RBPMS: variants seen among roughly 807,000 people sequenced by gnomAD.
RBPMS encodes RNA-binding protein with multiple splicing.
Under a neutral mutation model 26.8 loss-of-function variants are expected in RBPMS, and 7 were observed. That is an observed-to-expected ratio of 0.26 (90% CI 0.15 to 0.49). The LOEUF is 0.49. Ranked by LOEUF, RBPMS falls within the 20% of genes least tolerant of loss-of-function variation. RBPMS has a pLI of 0.98. For missense variants in RBPMS, 186 were observed against 250.0 expected, an observed-to-expected ratio of 0.74 and a Z score of 1.73; for synonymous variants, 96 against 93.3, an observed-to-expected ratio of 1.03 and a Z score of -0.17.
rs1029763647 is a variant in RBPMS, at chr8:30,566,351, G to A, written c.*102G>A. ...GTTCTCTAGCTGTTCTACAAAACTG[G>A]AGCATGCTGGTGAGTAACAGTCAGG... On this transcript the variant is annotated 3_prime_UTR_variant, in exon 8 of 9. Transcript: ENST00000397323. The A allele has an allele frequency of 3.3e-6, 3 of 908,470 alleles. No individual in the cohort carries two copies. Among genetic ancestry groups the A allele is most frequent in the Non-Finnish European group, 3.8e-6 (3 of 788,374 alleles). 56.3% of individuals were successfully genotyped at this position (908,470 alleles called of 1,614,324 possible). A position where few individuals can be genotyped will look rare whatever the true frequency, so the allele number is the denominator to read the frequency against.
chr8:30,418,232 A>G (rs182107069), intron 1 of RBPMS, among the ~76,000 whole-genome samples: 34 of 152,230 alleles, frequency 2.2e-4, no homozygotes, highest in Non-Finnish European at 4.3e-4. Flanking sequence ...TACCCTTTCT[A>G]ACATTTGAGA....
rs548362524 is a variant in RBPMS at position 30,555,230 on chromosome 8, CA to C, written c.529-3656del. ...CACCATGCTGAGTGCTGGAGACTTA[CA>C]GTGTTAGCCATGCAGGGGCACTGCA... is the stretch of plus-strand genomic sequence containing the variant. On this transcript the variant is annotated intron_variant, in intron 6 of 8. Coordinates refer to ENST00000397323, the MANE Select transcript of RBPMS (RefSeq NM_001008710.3). 3.9e-3 allele frequency among the ~76,000 whole-genome samples: 600 copies of C among 152,182 alleles called. 3 individuals are homozygous for C. The highest frequency in any genetic ancestry group is 0.013 in the African/African-American group (553 of 41,508).
At chr8:30,480,152 G>A (rs1318953726) in intron 4 of RBPMS, among the ~76,000 whole-genome samples, 1 of 152,190 alleles carries the variant, frequency 6.6e-6, no homozygotes, top group Non-Finnish European at 1.5e-5. Context: ...CATGCTCTAG[G>A]CAGTTGGCCT....
intron 5 of RBPMS, among the ~76,000 whole-genome samples, chr8:30,541,294 C>T (rs1226682955): frequency 6.6e-6 from 1 of 152,206 alleles, no homozygotes; most frequent in African/African-American, 2.4e-5. Context: ...ATCAGACGCT[C>T]TGCAGTTCTT....
intron 5 of RBPMS, among the ~76,000 whole-genome samples, chr8:30,509,480 TA>T (rs1821367960): frequency 6.6e-6 from 1 of 152,198 alleles, no homozygotes; most frequent in Non-Finnish European, 1.5e-5. Context: ...GGAGAGCCTG[TA>T]AAGTATCTCA....
intron 6 of RBPMS, chr8:30,556,348 G>GCT (rs1826912961): frequency 1.0e-6 from 1 of 985,494 alleles, no homozygotes; most frequent in Non-Finnish European, 1.2e-6. Context: ...CGGGCTGCAC[G>GCT]CTCGTCCCCA....
rs201508560 is a variant in RBPMS at position 30,490,092 on chromosome 8, G to A, written c.246+10715G>A. Among the ~76,000 whole-genome samples, 19 of 152,276 alleles carry A rather than the reference G, an allele frequency of 1.2e-4. No homozygotes were observed. The East Asian group carries it at 2.9e-3, about 23-fold the overall frequency. ...CTTCCAAAGTGCTGGGATTACAGGC[G>A]AGAGCCACCACGCCCAGCCTCTGTA... On this transcript the variant is annotated intron_variant, in intron 4 of 8. Transcript: ENST00000397323.
At chr8:30,567,004 A>C (rs9693742) in intron 8 of RBPMS, among the ~76,000 whole-genome samples, 6,281 of 152,182 alleles carry the variant, frequency 0.041, 430 homozygotes, top group African/African-American at 0.14. Flanking sequence ...CAGGAAATGT[A>C]GTCTAAAAAA....
chr8:30,539,433 C>A (rs1223462899), intron 5 of RBPMS, among the ~76,000 whole-genome samples: 3 of 152,088 alleles, frequency 2.0e-5, no homozygotes, highest in African/African-American at 7.2e-5. Context: ...TTAGTTCAGA[C>A]ATTATAAGTT....
chr8:30,537,487 A>G, intron 5 of RBPMS: 1 of 450,984 alleles, frequency 2.2e-6, no homozygotes, highest in South Asian at 1.6e-5. Flanking sequence ...AGTCTGGCTG[A>G]GAACCCGCAT....
rs1806817764 is a variant in RBPMS at position 30,384,877 on chromosome 8, C to T, written c.-216C>T. 3 of 349,230 alleles carry T rather than the reference C, an allele frequency of 8.6e-6. No homozygotes were observed. In the South Asian group the frequency reaches 3.4e-4, roughly 39 times the overall value. 21.6% of individuals were successfully genotyped at this position (349,230 alleles called of 1,614,324 possible). On this transcript the variant is annotated 5_prime_UTR_variant, in exon 1 of 9. Transcript: ENST00000397323. This position sits in a 1 kb window ranked among gnomAD's most constrained non-coding sequence, Gnocchi z 5.6. ...CCTGCCCCGTCTCTCCCTTGCACTT[C>T]CTGAGTCGCCCGCCGCCGCCGTCGC...
intron 1 of RBPMS, among the ~76,000 whole-genome samples, chr8:30,423,824 G>GTTTT (rs35688358): frequency 0.57 from 75,617 of 133,078 alleles, 19,438 homozygotes; most frequent in East Asian, 0.76. Flanking sequence ...TGGGTTTTTT[G>GTTTT]TTTTTTTTGT....
intron 1 of RBPMS, 79 bp from the exon 2 acceptor site, chr8:30,474,700 A>G (rs1817500922): frequency 1.3e-6 from 1 of 789,230 alleles, no homozygotes. Context: ...TTGGAATAAT[A>G]TGTTTCTGAG....
intron 1 of RBPMS, among the ~76,000 whole-genome samples, chr8:30,466,840 C>G (rs912702793): frequency 1.3e-5 from 2 of 152,140 alleles, no homozygotes; most frequent in African/African-American, 4.8e-5. Flanking sequence ...GGTGATCCAC[C>G]TGCCTCGGCC....
rs144079925 is a variant in RBPMS at position 30,535,408 on chromosome 8, T to C, written c.398-9086T>C. Among the ~76,000 whole-genome samples, 614 of 152,296 alleles carry C rather than the reference T, an allele frequency of 4.0e-3. 6 individuals are homozygous for C. Among genetic ancestry groups the C allele is most frequent in the African/African-American group, 0.014 (593 of 41,548 alleles). On this transcript the variant is annotated intron_variant, in intron 5 of 8. Coordinates refer to ENST00000397323, the MANE Select transcript of RBPMS (RefSeq NM_001008710.3). The stretch of plus-strand genomic sequence containing the variant: ...GTAGGTGCAGTGTTCAGGGTACACA[T>C]AGCCTGTTTTGGGAGGTGTAAGAAA...
intron 1 of RBPMS, among the ~76,000 whole-genome samples, chr8:30,387,756 TG>T (rs771765850): frequency 1.2e-4 from 19 of 152,258 alleles, no homozygotes; most frequent in Non-Finnish European, 2.6e-4. Context: ...AACCCAAGTT[TG>T]TTTTTTTCTG....
chr8:30,486,632 CA>C (rs564637889), intron 4 of RBPMS, among the ~76,000 whole-genome samples: 4 of 114,128 alleles, frequency 3.5e-5, no homozygotes, highest in African/African-American at 9.5e-5. Flanking sequence ...GACTCTCTCT[CA>C]AAAAAAAATA....
At chr8:30,552,145 T>C (rs1826436401) in intron 6 of RBPMS, among the ~76,000 whole-genome samples, 2 of 152,034 alleles carry the variant, frequency 1.3e-5, no homozygotes, top group South Asian at 4.2e-4. Flanking sequence ...AGGGTGAGAA[T>C]GGTCCGTGGC....
intron 5 of RBPMS, among the ~76,000 whole-genome samples, chr8:30,531,739 T>C (rs1057316952): frequency 1.3e-5 from 2 of 152,226 alleles, no homozygotes; most frequent in Non-Finnish European, 2.9e-5. Context: ...AATTAAAATT[T>C]GGGCCTTGTT....
Sources: allele counts gnomAD v4.1 joint callset (sites outside exome capture counted in the v4.1 genomes callset), GRCh38; gene constraint gnomAD v4.1.1; non-coding constraint Gnocchi (gnomAD v3.1); transcripts MANE v1.5; gene names NCBI Gene and HGNC (gene_info 2026-07-23, HGNC 2026-07-21).